Variants in ACSM3 observed in about 807,000 individuals in gnomAD.
ACSM3 encodes acyl-CoA synthetase medium chain family member 3, also known as acyl-coenzyme A synthetase ACSM3, mitochondrial.
ACSM3 carries 61 observed loss-of-function variants against 74.1 expected under a neutral mutation model. That is an observed-to-expected ratio of 0.82 (90% CI 0.67 to 1.02). ACSM3 has a LOEUF of 1.02. ACSM3 is among the 50% of genes least tolerant of loss of function. The pLI is 0.00. For synonymous variants in ACSM3, 213 were observed against 241.5 expected (o/e 0.88, Z 1.09); for missense variants, 660 against 697.0 (o/e 0.95, Z 0.60).
At chr16:20,685,638 G>A (rs2079534292) in intron 1 of ACSM3, among the ~76,000 whole-genome samples, 1 of 151,718 alleles carries the variant, frequency 6.6e-6, no homozygotes, top group Non-Finnish European at 1.5e-5. Context: ...TGACCAACAT[G>A]GTGAAACCCT....
intron 1 of ACSM3, chr16:20,727,250 C>T (rs564811125): frequency 2.2e-6 from 1 of 458,154 alleles, no homozygotes; most frequent in East Asian, 6.2e-5. Context: ...CCTCTCCTAG[C>T]TTCTATGCTT....
chr16:20,676,818 GC>G (rs1289909469), intron 1 of ACSM3, among the ~76,000 whole-genome samples: 1 of 151,826 alleles, frequency 6.6e-6, no homozygotes, highest in African/African-American at 2.4e-5. Flanking sequence ...AAGAATAAAT[GC>G]CCCAAAAAAT....
intron 1 of ACSM3, chr16:20,734,085 G>A (rs1738946962): frequency 6.6e-6 from 1 of 151,926 alleles, no homozygotes; most frequent in African/African-American, 2.4e-5. Context: ...AACAGCTTGT[G>A]TAACAACCGA....
At chr16:20,792,603 G>T (rs1383785567) in intron 12 of ACSM3, 3 of 985,332 alleles carry the variant, frequency 3.0e-6, no homozygotes, top group Non-Finnish European at 3.6e-6. Context: ...GGCAAAGATG[G>T]TGTGAATGCC....
At chr16:20,679,473 G>GC (rs1422867529) in intron 1 of ACSM3, 1 of 152,194 alleles carries the variant, frequency 6.6e-6, no homozygotes, top group Non-Finnish European at 1.5e-5. Context: ...AAATTTATAA[G>GC]CCTAGTTATA....
chr16:20,754,287 C>T (rs377209322), intron 2 of ACSM3, among the ~76,000 whole-genome samples: 5 of 152,130 alleles, frequency 3.3e-5, no homozygotes, highest in African/African-American at 7.2e-5. Flanking sequence ...AGAGTGAGAA[C>T]GGCCCACATG....
At chr16:20,675,907 C>T (rs1202603050) in intron 1 of ACSM3, among the ~76,000 whole-genome samples, 1 of 152,134 alleles carries the variant, frequency 6.6e-6, no homozygotes, top group African/African-American at 2.4e-5. Flanking sequence ...CTTGTAGCAC[C>T]AAAAGTGAAA....
At chr16:20,765,363 G>C (rs956252004) in intron 1 of ACSM3, among the ~76,000 whole-genome samples, 1 of 152,184 alleles carries the variant, frequency 6.6e-6, no homozygotes, top group African/African-American at 2.4e-5. Context: ...TTTTGATGAA[G>C]AGGATGTCGA....
intron 1 of ACSM3, among the ~76,000 whole-genome samples, chr16:20,738,550 A>G (rs1414118326): frequency 6.6e-6 from 1 of 152,200 alleles, no homozygotes; most frequent in East Asian, 1.9e-4. Context: ...CCAGATTTCA[A>G]ACTTCTTTTG....
At chr16:20,791,979 A>G (rs757120306) in intron 10 of ACSM3, 23 bp from the exon 11 acceptor site, 1 of 1,613,166 alleles carries the variant, frequency 6.2e-7, no homozygotes, top group South Asian at 1.1e-5. Context: ...CACCATAACA[A>G]CAAAATGCTA....
chr16:20,759,671 T>G (rs1310913726), upstream of ACSM3, among the ~76,000 whole-genome samples: 1 of 152,090 alleles, frequency 6.6e-6, no homozygotes, highest in Non-Finnish European at 1.5e-5. Flanking sequence ...CTGTACCCCT[T>G]CTCCCACACC....
intron 1 of ACSM3, among the ~76,000 whole-genome samples, chr16:20,687,847 G>T (rs1175221792): frequency 6.6e-6 from 1 of 152,140 alleles, no homozygotes; most frequent in Non-Finnish European, 1.5e-5. Flanking sequence ...ACTTTGGGAG[G>T]CCGAGGCTAC....
At chr16:20,767,932 G>C (rs2080145122) in intron 1 of ACSM3, among the ~76,000 whole-genome samples, 1 of 152,198 alleles carries the variant, frequency 6.6e-6, no homozygotes. Flanking sequence ...TCTAGTGTCA[G>C]TACCATAAAT....
At chr16:20,754,605 C>T (rs2080014392) in intron 2 of ACSM3, among the ~76,000 whole-genome samples, 1 of 152,132 alleles carries the variant, frequency 6.6e-6, no homozygotes, top group South Asian at 2.1e-4. Flanking sequence ...TGCAATAGAG[C>T]CCTGAATTAC....
intron 1 of ACSM3, among the ~76,000 whole-genome samples, chr16:20,712,924 A>C (rs979320549): frequency 2.6e-5 from 4 of 151,972 alleles, no homozygotes; most frequent in Admixed American, 1.3e-4. Flanking sequence ...AAAAAAAAAA[A>C]ACAAAAACCA....
At chr16:20,732,219 T>TG (rs2152408912) in intron 1 of ACSM3, among the ~76,000 whole-genome samples, 1 of 152,286 alleles carries the variant, frequency 6.6e-6, no homozygotes, top group South Asian at 2.1e-4. Context: ...TATAAAGACA[T>TG]GAAGATGGCC....
At chr16:20,777,288 A>G in intron 3 of ACSM3, 85 bp from the exon 4 acceptor site, 2 of 1,227,084 alleles carry the variant, frequency 1.6e-6, no homozygotes. Context: ...TGAGAAATAC[A>G]GAATGTATAG....
At chr16:20,707,906 TG>T (rs2079732334) in intron 1 of ACSM3, among the ~76,000 whole-genome samples, 1 of 152,130 alleles carries the variant, frequency 6.6e-6, no homozygotes, top group South Asian at 2.1e-4. Flanking sequence ...ATCTATGAAT[TG>T]TCTGAAAAAA....
chr16:20,726,605 A>G (rs1351065429), intron 1 of ACSM3, among the ~76,000 whole-genome samples: 1 of 152,218 alleles, frequency 6.6e-6, no homozygotes, highest in African/African-American at 2.4e-5. Flanking sequence ...TTTGAGAAGC[A>G]AGCTGTTCTA....
Sources: gnomAD v4.1 joint callset for allele counts (sites outside exome capture counted in the v4.1 genomes callset) on GRCh38, gnomAD v4.1.1 for gene constraint, MANE v1.5 for transcripts, NCBI Gene and HGNC (gene_info 2026-07-23, HGNC 2026-07-21) for gene names.